Variants in CENPP observed in about 807,000 individuals in gnomAD.
CENPP encodes centromere protein P.
A neutral mutation model predicts 35.6 loss-of-function variants in CENPP; 24 were observed. The ratio of observed to expected loss-of-function variants is 0.67; its 90% CI spans 0.49 to 0.95. The LOEUF (loss-of-function observed/expected upper bound fraction) is 0.95, where lower values mean the gene tolerates loss of function less well. Ranked by LOEUF, CENPP falls within the 40% of genes least tolerant of loss-of-function variation. The probability of loss-of-function intolerance (pLI) is 0.00; values close to 1 mark genes in which losing one functional copy is unlikely to be tolerated. For missense variants in CENPP, 332 were observed against 345.3 expected (o/e 0.96, Z 0.31); for synonymous variants, 120 against 125.5 (o/e 0.96, Z 0.29).
At chr9:92,571,220 G>T in intron 5 of CENPP, among the ~76,000 whole-genome samples, 1 of 152,178 alleles carries the variant, frequency 6.6e-6, no homozygotes, top group African/African-American at 2.4e-5. Context: ...GGCATTTAGT[G>T]CTATAAATTT....
chr9:92,345,313 C>A (rs1404544363), intron 3 of CENPP, among the ~76,000 whole-genome samples: 1 of 151,418 alleles, frequency 6.6e-6, no homozygotes, highest in Non-Finnish European at 1.5e-5. Context: ...GGTGAAACCC[C>A]ATCTCTACTA....
intron 5 of CENPP, chr9:92,417,007 C>CAT (rs776203204): frequency 2.0e-5 from 32 of 1,613,792 alleles, no homozygotes; most frequent in Non-Finnish European, 2.5e-5. Context: ...AGTTTACTAG[C>CAT]CCATCCATAG....
Position 92,615,881 on chromosome 9 carries a change from G to C in CENPP, c.*2732G>C. Reference sequence around the variant, plus strand: ...GCAATCTTCGCTTTCCTTGAACCGAGTCGACATCACGGCGTTGTCTTTGGC... The same window carrying C: ...GCAATCTTCGCTTTCCTTGAACCGACTCGACATCACGGCGTTGTCTTTGGC... On this transcript the variant is annotated 3_prime_UTR_variant, in exon 8 of 8. Coordinates refer to ENST00000375587, the MANE Select transcript of CENPP (RefSeq NM_001012267.3). The C allele has an allele frequency of 6.2e-6, 10 of 1,614,188 alleles. No homozygotes were observed. Among genetic ancestry groups the C allele is most frequent in the Non-Finnish European group, 8.5e-6 (10 of 1,180,044 alleles).
chr9:92,457,547 C>T lies in CENPP; in HGVS notation c.564+77688C>T, dbSNP rs1222632455. On this transcript the variant is annotated intron_variant, in intron 5 of 7. Transcript: ENST00000375587. Reference sequence around the variant, plus strand: ...CCAGTAAATGTAAACGGAAGATACTCTGTAGTCGCCATTTGTTTGTGGGTT... The same window carrying T: ...CCAGTAAATGTAAACGGAAGATACTTTGTAGTCGCCATTTGTTTGTGGGTT... The T allele has an allele frequency of 8.3e-6, 10 of 1,201,800 alleles. No homozygotes were observed. In the Admixed American group the frequency reaches 1.2e-4, roughly 14 times the overall value. The allele number at this position is 1,201,800 out of a possible 1,614,324, so 74.4% of individuals were successfully genotyped here.
At chr9:92,544,448 C>G (rs1467981266) in intron 5 of CENPP, among the ~76,000 whole-genome samples, 1 of 152,148 alleles carries the variant, frequency 6.6e-6, no homozygotes, top group Admixed American at 6.5e-5. Context: ...TGCACTCCAG[C>G]CTGGGCAACA....
At chr9:92,508,985 A>G (rs1207439996) in intron 5 of CENPP, among the ~76,000 whole-genome samples, 4 of 152,066 alleles carry the variant, frequency 2.6e-5, no homozygotes, top group Admixed American at 2.6e-4. Context: ...AAAAAAGTAC[A>G]CAGTACAATC....
At chr9:92,564,492 A>C (rs1849919916) in intron 5 of CENPP, among the ~76,000 whole-genome samples, 2 of 152,204 alleles carry the variant, frequency 1.3e-5, no homozygotes. Context: ...TAAAATCAAC[A>C]GGACTTAAGA....
chr9:92,414,115 C>T (rs571035975), intron 5 of CENPP: 2 of 164,312 alleles, frequency 1.2e-5, no homozygotes, highest in Admixed American at 6.4e-5. Flanking sequence ...ACTTACAATA[C>T]TTAAAAATAA....
At chr9:92,454,131 A>C (rs1844801505) in intron 5 of CENPP, among the ~76,000 whole-genome samples, 1 of 152,180 alleles carries the variant, frequency 6.6e-6, no homozygotes, top group African/African-American at 2.4e-5. Flanking sequence ...TCACCAGAAA[A>C]TGTGTTTTTG....
chr9:92,519,281 T>G (rs1339453680), intron 5 of CENPP, among the ~76,000 whole-genome samples: 3 of 152,198 alleles, frequency 2.0e-5, no homozygotes, highest in African/African-American at 4.8e-5. Context: ...CTATCAAAAT[T>G]TCCATGGCCT....
chr9:92,455,644 C>G (rs1034576423), intron 5 of CENPP, among the ~76,000 whole-genome samples: 6 of 152,120 alleles, frequency 3.9e-5, no homozygotes, highest in African/African-American at 1.4e-4. Flanking sequence ...TGTTCTTTCC[C>G]CCTCGCCCCC....
At chr9:92,352,474 T>TGTGTGTGTGG (rs1841475679) in intron 4 of CENPP, among the ~76,000 whole-genome samples, 1 of 97,084 alleles carries the variant, frequency 1.0e-5, no homozygotes, top group Non-Finnish European at 1.9e-5. Context: ...AGCCTGTGTG[T>TGTGTGTGTGG]GTGTGTGTGT....
At chr9:92,497,209 C>T (rs1050199360) in intron 5 of CENPP, among the ~76,000 whole-genome samples, 1 of 152,176 alleles carries the variant, frequency 6.6e-6, no homozygotes, top group Non-Finnish European at 1.5e-5. Flanking sequence ...AGTGGAAACA[C>T]ATGTCTATCA....
chr9:92,553,046 C>T (rs182089031), intron 5 of CENPP, among the ~76,000 whole-genome samples: 1 of 151,506 alleles, frequency 6.6e-6, no homozygotes, highest in East Asian at 1.9e-4. Flanking sequence ...AGTTTCACGT[C>T]TTAGGTTTAA....
intron 5 of CENPP, chr9:92,536,236 G>A: frequency 3.1e-6 from 1 of 324,316 alleles, no homozygotes; most frequent in South Asian, 2.5e-5. Context: ...CATTTTGTTT[G>A]CAGGCTGAAA....
intron 5 of CENPP, among the ~76,000 whole-genome samples, chr9:92,381,267 A>G (rs1314834549): frequency 6.7e-6 from 1 of 149,296 alleles, no homozygotes; most frequent in Non-Finnish European, 1.5e-5. Flanking sequence ...ATGTCATAGC[A>G]TGTGTCAGAT....
intron 5 of CENPP, chr9:92,512,166 A>G: frequency 1.4e-6 from 2 of 1,409,518 alleles, no homozygotes; most frequent in Non-Finnish European, 2.0e-6. Flanking sequence ...ATGTGTGCAT[A>G]TACATACATG....
At chr9:92,361,114 T>G (rs1436844626) in intron 4 of CENPP, among the ~76,000 whole-genome samples, 2 of 151,888 alleles carry the variant, frequency 1.3e-5, no homozygotes, top group Non-Finnish European at 2.9e-5. Context: ...TAAGTGTGTA[T>G]TTTTATTATT....
intron 5 of CENPP, among the ~76,000 whole-genome samples, chr9:92,380,232 C>T (rs1365789930): frequency 6.6e-6 from 1 of 152,234 alleles, no homozygotes; most frequent in Non-Finnish European, 1.5e-5. Context: ...TCTGTGTTTT[C>T]AGCTTCTCAA....
Sources: allele counts gnomAD v4.1 joint callset (sites outside exome capture counted in the v4.1 genomes callset), GRCh38; gene constraint gnomAD v4.1.1; transcripts MANE v1.5; gene names NCBI Gene and HGNC (gene_info 2026-07-23, HGNC 2026-07-21).